The following CRYBG3 variants were observed in gnomAD, a reference collection of about 807,000 sequenced individuals.
CRYBG3 encodes the protein crystallin beta-gamma domain containing 3.
In CRYBG3, 127 loss-of-function variants were observed where a neutral mutation model predicts 244.2. That is an observed-to-expected ratio of 0.52 (90% CI 0.45 to 0.60). The LOEUF (loss-of-function observed/expected upper bound fraction) is 0.60. Ranked by LOEUF, CRYBG3 falls within the 20% of genes least tolerant of loss-of-function variation. CRYBG3 has a pLI of 0.00. For synonymous variants in CRYBG3, 1,132 were observed against 1,195.8 expected (o/e 0.95, Z 1.10); for missense variants, 3,325 against 3,442.5 (o/e 0.97, Z 0.85).
intron 21 of CRYBG3, 83 bp downstream of exon 21, chr3:97,942,526 C>A: frequency 8.2e-7 from 1 of 1,215,254 alleles, no homozygotes; most frequent in South Asian, 1.9e-5. Context: ...AAAGGACATC[C>A]TTATGTATAA....
intron 2 of CRYBG3, among the ~76,000 whole-genome samples, chr3:97,853,663 A>T (rs2039021606): frequency 6.6e-6 from 1 of 152,202 alleles, no homozygotes; most frequent in African/African-American, 2.4e-5. Flanking sequence ...GTACTAGTTT[A>T]CAGTCCCACC....
intron 15 of CRYBG3, among the ~76,000 whole-genome samples, chr3:97,904,355 A>T (rs2039739840): frequency 6.6e-6 from 1 of 152,150 alleles, no homozygotes; most frequent in African/African-American, 2.4e-5. Flanking sequence ...TAAAGTTTGG[A>T]CAAAGATTAT....
Position 97,872,507 on chromosome 3 carries a change from C to T in CRYBG3, c.1313C>T (p.Ser438Phe). 2 of 1,535,946 alleles carry T rather than the reference C, an allele frequency of 1.3e-6. No homozygotes were observed. The highest frequency in any genetic ancestry group is 1.7e-6 in the Non-Finnish European group (2 of 1,146,802). Residue 438 changes from serine to phenylalanine, a missense_variant, in exon 4 of 22, where the codon TCT becomes TTT. Coordinates refer to ENST00000389622, the MANE Select transcript of CRYBG3 (RefSeq NM_153605.4). ...EPQGPAISDF[S>F]CSKSDGSDTT... is the part of the protein sequence containing the mutation. ...CAGGGCCCTGCTATTTCTGATTTCT[C>T]TTGTAGTAAATCTGATGGGAGTGAC...
Position 97,822,048 on chromosome 3 carries a change from C to T in CRYBG3, c.-159C>T, listed in dbSNP as rs1292130041. On this transcript the variant is annotated 5_prime_UTR_variant, in exon 1 of 22. Coordinates refer to ENST00000389622, the MANE Select transcript of CRYBG3 (RefSeq NM_153605.4). ...TGCCGCGCGAGGAGCGCGTCGCGTC[C>T]GCACTTCTCCTGCCCGAGAGAGACT... 5 of 502,498 alleles carry T rather than the reference C, an allele frequency of 1.0e-5. No individual in the cohort carries two copies. The East Asian group carries it at 1.1e-4, about 11-fold the overall frequency. The allele number at this position is 502,498 out of a possible 1,614,324, so 31.1% of individuals were successfully genotyped here. A position where few individuals can be genotyped will look rare whatever the true frequency, so the allele number is the denominator to read the frequency against.
Position 97,881,131 on chromosome 3 carries a change from A to G in CRYBG3, c.7064A>G (p.Glu2355Gly). 1 of 1,609,898 alleles carries G rather than the reference A, an allele frequency of 6.2e-7. No homozygotes were observed. Among genetic ancestry groups the G allele is most frequent in the Non-Finnish European group, 8.5e-7 (1 of 1,177,372 alleles). Residue 2355 changes from glutamate (E) to glycine (G), a missense_variant, in exon 7 of 22, where the codon GAA becomes GGA. Glu to Gly is a moderately conservative substitution (Grantham distance 98, BLOSUM62 -2). Around this residue, in one of 4 missense-constraint regions of CRYBG3, gnomAD observed 714 missense variants for 803.6 expected, o/e 0.89. Coordinates refer to ENST00000389622, the MANE Select transcript of CRYBG3 (RefSeq NM_153605.4). ...CAGAAATGTGTGCTAGAAGAAGGGG[A>G]AAAGGTGTTAAATCGTGACTGGATT... ...RGQKCVLEEG[E>G]KVLNRDWILQ...
intron 1 of CRYBG3, among the ~76,000 whole-genome samples, chr3:97,826,981 G>A (rs1559710032): frequency 6.6e-6 from 1 of 152,216 alleles, no homozygotes; most frequent in Admixed American, 6.5e-5. Flanking sequence ...TTTTCTCCAA[G>A]CATGGTTTGG....
chr3:97,857,773 G>T (rs2039087633), intron 2 of CRYBG3, among the ~76,000 whole-genome samples: 1 of 151,772 alleles, frequency 6.6e-6, no homozygotes, highest in Admixed American at 6.6e-5. Flanking sequence ...TATCCATTCG[G>T]CTAATCTATA....
At chr3:97,927,477 T>G (rs2040052694) in intron 17 of CRYBG3, among the ~76,000 whole-genome samples, 1 of 151,402 alleles carries the variant, frequency 6.6e-6, no homozygotes, top group Admixed American at 6.6e-5. Context: ...TAGAAGAAAA[T>G]CTAGGAAATA....
chr3:97,889,441 A>T, intron 10 of CRYBG3, 51 bp downstream of exon 10: 1 of 1,376,064 alleles, frequency 7.3e-7, no homozygotes, highest in Non-Finnish European at 1.0e-6. Flanking sequence ...CAGGATTAAT[A>T]TTTATTCCAA....
rs2038847173 is a variant in CRYBG3 at position 97,843,238 on chromosome 3, G to A, written c.193G>A (p.Val65Ile). The A allele has an allele frequency of 1.3e-6, 2 of 1,512,174 alleles. No individual in the cohort carries two copies. Among genetic ancestry groups the A allele is most frequent in the African/African-American group, 2.8e-5 (2 of 72,394 alleles). 93.7% of individuals were successfully genotyped at this position (1,512,174 alleles called of 1,614,324 possible). ...GAGCACAAGTCAGAAAAAGGAAAAT[G>A]TACTTTCATCAGAAGCAGTAAAGGT... ...PMSTSQKKEN[V>I]LSSEAVKIRQ... The change falls in exon 2 of 22, where the codon GTA (valine) becomes ATA (isoleucine). Residue 65 changes from valine (V) to isoleucine (I), a missense_variant. Physicochemically the swap from Val to Ile is conservative, Grantham distance 29 (BLOSUM62 3). This residue lies in a region of CRYBG3 where 1,526 missense variants were observed against 1,443.2 expected (regional missense o/e 1.06). Transcript: ENST00000389622.
At chr3:97,862,860 A>C (rs1434136662) in intron 2 of CRYBG3, among the ~76,000 whole-genome samples, 1 of 152,218 alleles carries the variant, frequency 6.6e-6, no homozygotes, top group Non-Finnish European at 1.5e-5. Flanking sequence ...GTGCTTACTC[A>C]GAAATCCCCT....
intron 18 of CRYBG3, among the ~76,000 whole-genome samples, chr3:97,936,277 G>C (rs1174235708): frequency 6.6e-6 from 1 of 151,964 alleles, no homozygotes; most frequent in African/African-American, 2.4e-5. Flanking sequence ...AAAGGAGCTG[G>C]GCCTTGAAGA....
chr3:97,871,100 T>C (rs955791073), intron 3 of CRYBG3, among the ~76,000 whole-genome samples: 1 of 152,136 alleles, frequency 6.6e-6, no homozygotes, highest in Non-Finnish European at 1.5e-5. Flanking sequence ...TGAGAACTCG[T>C]AGTGGTAGAT....
chr3:97,893,143 T>C (rs2039600959), intron 11 of CRYBG3, 150 bp downstream of exon 11: 3 of 658,974 alleles, frequency 4.6e-6, no homozygotes, highest in Admixed American at 3.4e-5. Context: ...TAGTTACTTA[T>C]GGTTTTCTGT....
At chr3:97,852,770 T>C (rs2039004837) in intron 2 of CRYBG3, among the ~76,000 whole-genome samples, 1 of 152,178 alleles carries the variant, frequency 6.6e-6, no homozygotes, top group Admixed American at 6.5e-5. Context: ...TCCATAATGA[T>C]TGTACCAGTT....
intron 11 of CRYBG3, among the ~76,000 whole-genome samples, chr3:97,893,410 A>G (rs918859864): frequency 6.6e-6 from 1 of 152,230 alleles, no homozygotes; most frequent in Non-Finnish European, 1.5e-5. Context: ...TGTGTTTCCA[A>G]AGTCAAGGAT....
chr3:97,892,398 C>T (rs968011429), intron 10 of CRYBG3, among the ~76,000 whole-genome samples: 18 of 152,126 alleles, frequency 1.2e-4, no homozygotes, highest in African/African-American at 4.3e-4. Context: ...CTTGCTTCAT[C>T]TTCAACATCA....
chr3:97,853,248 G>A (rs941508620), intron 2 of CRYBG3, among the ~76,000 whole-genome samples: 1 of 149,380 alleles, frequency 6.7e-6, no homozygotes, highest in African/African-American at 2.5e-5. Context: ...ACATAAGTGA[G>A]AACATATGAT....
rs1156929819 is a variant in CRYBG3, at chr3:97,892,857, C to T, written c.7441-3C>T. On this transcript the variant is annotated splice_polypyrimidine_tract_variant and splice_region_variant and intron_variant, in intron 10 of 21. Transcript: ENST00000389622. ...AATATAAACATGTTAAATAATTTTT[C>T]AGGTTATTATTTATGAAAAACCTCA... is the stretch of plus-strand genomic sequence containing the variant. 1.4e-6 allele frequency: 2 copies of T among 1,416,276 alleles called. No homozygotes were observed. The highest frequency in any genetic ancestry group is 1.3e-5 in the South Asian group (1 of 75,490). 87.7% of individuals were successfully genotyped at this position (1,416,276 alleles called of 1,614,324 possible). A position where few individuals can be genotyped will look rare whatever the true frequency, so the allele number is the denominator to read the frequency against.
Sources: allele counts gnomAD v4.1 joint callset (sites outside exome capture counted in the v4.1 genomes callset), GRCh38; gene constraint gnomAD v4.1.1; regional missense constraint gnomAD v4.1.1; transcripts MANE v1.5; gene names NCBI Gene and HGNC (gene_info 2026-07-23, HGNC 2026-07-21).